Variants in ZBTB7C observed in about 807,000 individuals in gnomAD.
The protein encoded by ZBTB7C is zinc finger and BTB domain containing 7C, also known as zinc finger and BTB domain-containing protein 7C.
Under a neutral mutation model 25.7 loss-of-function variants are expected in ZBTB7C, and 8 were observed. The ratio of observed to expected loss-of-function variants is 0.31; its 90% CI spans 0.18 to 0.56. The LOEUF is 0.56. Among genes scored for constraint, ZBTB7C ranks in the 20% least tolerant of loss-of-function variants. The probability of loss-of-function intolerance (pLI) is 0.91; values close to 1 mark genes in which losing one functional copy is unlikely to be tolerated. For synonymous variants in ZBTB7C, 394 were observed against 369.0 expected (o/e 1.07, Z -0.78); for missense variants, 824 against 855.2 (o/e 0.96, Z 0.46).
intron 2 of ZBTB7C, among the ~76,000 whole-genome samples, chr18:48,283,645 A>T (rs1291861766): frequency 2.0e-5 from 3 of 152,210 alleles, no homozygotes; most frequent in Non-Finnish European, 4.4e-5. Flanking sequence ...GAGAAGTCAA[A>T]ATACATGAAT....
chr18:48,202,901 C>T (rs1018154664), intron 2 of ZBTB7C, among the ~76,000 whole-genome samples: 1 of 152,026 alleles, frequency 6.6e-6, no homozygotes, highest in African/African-American at 2.4e-5. Flanking sequence ...ATGGCCTTCC[C>T]CTGCCTCCAC....
At chr18:48,159,153 G>A (rs1172637468) in intron 3 of ZBTB7C, among the ~76,000 whole-genome samples, 1 of 152,034 alleles carries the variant, frequency 6.6e-6, no homozygotes, top group African/African-American at 2.4e-5. Flanking sequence ...TGGAAGGGTA[G>A]GGGTCATGGC....
At chr18:48,129,396 C>T (rs2144764247) in intron 3 of ZBTB7C, among the ~76,000 whole-genome samples, 1 of 151,824 alleles carries the variant, frequency 6.6e-6, no homozygotes, top group East Asian at 1.9e-4. Context: ...AGAAAACTAC[C>T]CCAAACATGT....
intron 2 of ZBTB7C, among the ~76,000 whole-genome samples, chr18:48,291,920 G>A (rs1048001794): frequency 7.9e-5 from 12 of 152,158 alleles, no homozygotes; most frequent in African/African-American, 2.2e-4. Flanking sequence ...ACCATTAGCC[G>A]GGCGTGGTGG....
intron 2 of ZBTB7C, among the ~76,000 whole-genome samples, chr18:48,292,679 GC>G (rs1478481446): frequency 6.6e-6 from 1 of 152,184 alleles, no homozygotes; most frequent in Admixed American, 6.5e-5. Context: ...TGAGGATCAA[GC>G]TTTAAACTGG....
At chr18:48,210,456 A>G (rs2145243115) in intron 2 of ZBTB7C, among the ~76,000 whole-genome samples, 1 of 152,380 alleles carries the variant, frequency 6.6e-6, no homozygotes, top group South Asian at 2.1e-4. Context: ...CAGTATATCC[A>G]CACAGTGAAA....
intron 2 of ZBTB7C, among the ~76,000 whole-genome samples, chr18:48,331,646 C>T (rs2046344610): frequency 6.6e-6 from 1 of 152,180 alleles, no homozygotes; most frequent in South Asian, 2.1e-4. Flanking sequence ...TCAGTGCAGC[C>T]TTCTCCAAAC....
At chr18:48,062,450 GTGTCAAGACATATCTAGAGC>G (rs2037163552) in intron 3 of ZBTB7C, among the ~76,000 whole-genome samples, 1 of 152,204 alleles carries the variant, frequency 6.6e-6, no homozygotes, top group East Asian at 1.9e-4. Flanking sequence ...AACACTAAGC[GTGTCAAGACATATCTAGAGC>G]TGCTTTAATT....
rs919402026 is a variant in ZBTB7C, at chr18:48,187,820, C to CAAAAAAAAAAAA, written c.-78-1837_-78-1826dup. On this transcript the variant is annotated intron_variant, in intron 2 of 4. Coordinates refer to ENST00000590800, the MANE Select transcript of ZBTB7C (RefSeq NM_001318841.2). ...TGGGCAACAGGGCAAGACCCCGTCT[C>CAAAAAAAAAAAA]AAAAAAAAAAAAAAAAAAAAAAGAC... 5.5e-5 allele frequency among the ~76,000 whole-genome samples: 4 copies of CAAAAAAAAAAAA among 73,360 alleles called. No homozygotes were observed. In the East Asian group the frequency reaches 1.7e-3, roughly 31 times the overall value. The allele number at this position is 73,360 out of a possible 152,430, so 48.1% of individuals were successfully genotyped here. A position where few individuals can be genotyped will look rare whatever the true frequency, so the allele number is the denominator to read the frequency against.
intron 3 of ZBTB7C, among the ~76,000 whole-genome samples, chr18:48,180,998 G>A (rs1421676020): frequency 6.6e-6 from 1 of 152,144 alleles, no homozygotes; most frequent in Non-Finnish European, 1.5e-5. Flanking sequence ...TAACCTCACT[G>A]TTACTTTTCA....
chr18:48,164,440 A>G (rs1244232309), intron 3 of ZBTB7C, among the ~76,000 whole-genome samples: 1 of 152,202 alleles, frequency 6.6e-6, no homozygotes, highest in African/African-American at 2.4e-5. Flanking sequence ...CCATACACAC[A>G]GTCACAACAC....
intron 2 of ZBTB7C, among the ~76,000 whole-genome samples, chr18:48,214,191 A>G (rs185105532): frequency 4.0e-3 from 603 of 152,364 alleles, no homozygotes; most frequent in Non-Finnish European, 6.1e-3. Flanking sequence ...GTTCAGTGAC[A>G]TTAAACACAT....
chr18:48,060,103 T>C (rs926713118), intron 3 of ZBTB7C, among the ~76,000 whole-genome samples: 2 of 152,088 alleles, frequency 1.3e-5, no homozygotes, highest in Admixed American at 6.6e-5. Context: ...GATACAATTA[T>C]AATGTAGCCC....
intron 3 of ZBTB7C, among the ~76,000 whole-genome samples, chr18:48,066,611 T>C (rs550488744): frequency 6.6e-6 from 1 of 152,256 alleles, no homozygotes; most frequent in East Asian, 1.9e-4. Flanking sequence ...AACTCTCCCC[T>C]CTACTTAGAG....
At chr18:48,357,980 A>G (rs919488467) in intron 1 of ZBTB7C, among the ~76,000 whole-genome samples, 3 of 152,226 alleles carry the variant, frequency 2.0e-5, no homozygotes, top group African/African-American at 7.2e-5. Context: ...CAGATCCCGC[A>G]TGAATGGCTT....
intron 3 of ZBTB7C, among the ~76,000 whole-genome samples, chr18:48,178,735 G>A (rs1448546075): frequency 5.9e-5 from 9 of 152,162 alleles, no homozygotes; most frequent in East Asian, 3.9e-4. Context: ...AAGTAAAGAC[G>A]AAGGCCTTTC....
chr18:48,222,376 C>A (rs150937175), intron 2 of ZBTB7C, among the ~76,000 whole-genome samples: 1 of 152,218 alleles, frequency 6.6e-6, no homozygotes, highest in Non-Finnish European at 1.5e-5. Flanking sequence ...ATGTGAGATG[C>A]CTGCCCATTG....
At chr18:48,289,502 A>T (rs965375438) in intron 2 of ZBTB7C, among the ~76,000 whole-genome samples, 2 of 151,332 alleles carry the variant, frequency 1.3e-5, no homozygotes, top group Admixed American at 6.6e-5. Flanking sequence ...ACACGGTATG[A>T]TTTTTTTAAC....
chr18:48,366,185 A>G (rs998264476), intron 1 of ZBTB7C, among the ~76,000 whole-genome samples: 4 of 152,250 alleles, frequency 2.6e-5, no homozygotes, highest in African/African-American at 7.2e-5. Flanking sequence ...AGCCACACAG[A>G]GAAGACCCAT....
Sources: allele counts gnomAD v4.1 joint callset (sites outside exome capture counted in the v4.1 genomes callset), GRCh38; gene constraint gnomAD v4.1.1; transcripts MANE v1.5; gene names NCBI Gene and HGNC (gene_info 2026-07-23, HGNC 2026-07-21).